Variants in PCM1 observed in about 807,000 individuals in gnomAD.
PCM1 encodes the protein pericentriolar material 1, also known as pericentriolar material 1 protein.
A neutral mutation model predicts 241.9 loss-of-function variants in PCM1; 157 were observed. The ratio of observed to expected loss-of-function variants is 0.65; its 90% confidence interval spans 0.57 to 0.74. The LOEUF is 0.74. Among genes scored for constraint, PCM1 ranks in the 30% least tolerant of loss-of-function variants. The pLI is 0.00. For synonymous variants in PCM1, 1,085 were observed against 784.9 expected (o/e 1.38, Z -6.39); for missense variants, 3,478 against 2,360.1 (o/e 1.47, Z -9.81).
intron 5 of PCM1, 119 bp from the exon 6 acceptor site, chr8:17,939,572 G>T: frequency 2.0e-6 from 1 of 496,526 alleles, no homozygotes; most frequent in East Asian, 3.2e-5. Flanking sequence ...AATAATCCAA[G>T]TGTCTTTGGT....
chr8:17,991,697 G>A lies in PCM1; in HGVS notation c.4687G>A (p.Glu1563Lys), dbSNP rs1475898719. The A allele has an allele frequency of 2.6e-6, 4 of 1,548,030 alleles. No homozygotes were observed. Among genetic ancestry groups the A allele is most frequent in the Non-Finnish European group, 3.5e-6 (4 of 1,145,602 alleles). The stretch of plus-strand genomic sequence containing the variant: ...TGCAGGTACTACAGTTAATAATTTA[G>A]AAGGTATATATTTTTGTTTTCGGTA... Reference protein sequence around the residue: ...AGAGTTVNNLEETPVIENRSS... With the variant: ...AGAGTTVNNLKETPVIENRSS... The change falls in exon 28 of 39, where the codon GAA (glutamate) becomes AAA (lysine). Residue 1563 changes from glutamate (E) to lysine (K), a missense_variant. Coordinates refer to ENST00000325083, the MANE Select transcript of PCM1 (RefSeq NM_006197.4).
At chr8:17,930,101 CTTT>C (rs3988353) in intron 2 of PCM1, among the ~76,000 whole-genome samples, 24 of 109,270 alleles carry the variant, frequency 2.2e-4, no homozygotes, top group Admixed American at 8.2e-4. Flanking sequence ...GGAATACTTC[CTTT>C]TTTTTTTTTT....
At chr8:18,014,376 T>C (rs2092911417) in intron 35 of PCM1, among the ~76,000 whole-genome samples, 1 of 130,516 alleles carries the variant, frequency 7.7e-6, no homozygotes, top group Admixed American at 7.4e-5. Context: ...TCAGGTGGAT[T>C]TCAGGAATCT....
chr8:17,965,752 A>G (rs1242974381), intron 18 of PCM1, among the ~76,000 whole-genome samples: 1 of 152,234 alleles, frequency 6.6e-6, no homozygotes, highest in African/African-American at 2.4e-5. Context: ...ATTTTGCAGA[A>G]TACTTAATTA....
rs767026913 is a variant in PCM1, at chr8:17,955,584, C to T, written c.1403C>T (p.Pro468Leu). The change falls in exon 10 of 39, where the codon CCT becomes CTT. Residue 468 changes from proline to leucine, a missense_variant. Transcript: ENST00000325083. ...AGCCTCACATCATCTGTTCCTTATC[C>T]TACTGCTTCTCTAGTATCTCAGAAT... is the stretch of plus-strand genomic sequence containing the variant. ...SNSLTSSVPY[P>L]TASLVSQNES... 6.2e-7 allele frequency: 1 copy of T among 1,613,658 alleles called. No individual in the cohort carries two copies. The highest frequency in any genetic ancestry group is 8.5e-7 in the Non-Finnish European group (1 of 1,179,610).
rs548485946 is a variant in PCM1, at chr8:17,957,563, G to A, written c.1828G>A (p.Glu610Lys). The change falls in exon 13 of 39, where the codon GAA (glutamate) becomes AAA (lysine). Residue 610 changes from glutamate to lysine, a missense_variant. Physicochemically the swap from Glu to Lys is moderately conservative, Grantham distance 56 (BLOSUM62 1). Transcript: ENST00000325083. ...AGATTGTCGATATAATAGAGAAGGGGAACAGGAGATTCATGTTGCACAAGG... is the reference window on the plus strand; with the variant it reads ...AGATTGTCGATATAATAGAGAAGGGAAACAGGAGATTCATGTTGCACAAGG... ...SLDCRYNREG[E>K]QEIHVAQGED... 35 of 1,575,616 alleles carry A rather than the reference G, an allele frequency of 2.2e-5. No individual in the cohort carries two copies. In the South Asian group the frequency reaches 4.0e-4, roughly 18 times the overall value.
At position 17,938,732 on chromosome 8, in the gene PCM1, A is replaced by T. The variant is rs376166392; in HGVS notation, c.343-8A>T. On this transcript the variant is annotated splice_polypyrimidine_tract_variant and splice_region_variant and intron_variant, in intron 4 of 38. Transcript: ENST00000325083. ...GTTTGTGTGATTTGATTTCTTTTTC[A>T]TATATAGAGAAGCATTGGAAGTGAT... 3 of 1,601,422 alleles carry T rather than the reference A, an allele frequency of 1.9e-6. No individual in the cohort carries two copies. The African/African-American group carries it at 4.0e-5, about 22-fold the overall frequency.
chr8:17,946,565 C>A (rs561913828), intron 6 of PCM1, among the ~76,000 whole-genome samples: 3 of 151,732 alleles, frequency 2.0e-5, no homozygotes, highest in African/African-American at 7.3e-5. Flanking sequence ...GGTGCAGTCT[C>A]AGCTCACTGC....
At chr8:18,008,982 A>G (rs1435487586) in intron 30 of PCM1, among the ~76,000 whole-genome samples, 1 of 152,210 alleles carries the variant, frequency 6.6e-6, no homozygotes, top group East Asian at 1.9e-4. Flanking sequence ...ATCAACTTGA[A>G]TAGAACTAAT....
chr8:17,999,563 G>A (rs1321071632), intron 29 of PCM1, among the ~76,000 whole-genome samples: 3 of 151,940 alleles, frequency 2.0e-5, no homozygotes, highest in Non-Finnish European at 4.4e-5. Flanking sequence ...TTTACTCCTT[G>A]CTCTCGTCTC....
At chr8:17,958,637 A>G (rs2069956351) in intron 13 of PCM1, among the ~76,000 whole-genome samples, 1 of 152,186 alleles carries the variant, frequency 6.6e-6, no homozygotes, top group Non-Finnish European at 1.5e-5. Flanking sequence ...AGTTTTATTA[A>G]CAGTTTCTTT....
chr8:18,009,551 C>T lies in PCM1; in HGVS notation c.4967C>T (p.Ser1656Leu). ...ATTTGGTTTATCTTTGAATAGGATT[C>T]ACTGGCAAAATTTGCTGGCAGAAAA... ...HKQLGSILQD[S>L]LAKFAGRKLK... is the part of the protein sequence containing the mutation. The change falls in exon 31 of 39, where the codon TCA becomes TTA. Residue 1656 changes from serine to leucine, a missense_variant. Transcript: ENST00000325083. The T allele has an allele frequency of 6.3e-7, 1 of 1,590,762 alleles. No homozygotes were observed. Among genetic ancestry groups the T allele is most frequent in the South Asian group, 1.1e-5 (1 of 87,520 alleles).
intron 16 of PCM1, 97 bp downstream of exon 16, chr8:17,962,271 C>A: frequency 9.8e-7 from 1 of 1,015,888 alleles, no homozygotes; most frequent in Non-Finnish European, 1.4e-6. Flanking sequence ...ACTGAATATC[C>A]TTGAAACATG....
At chr8:17,979,355 A>G (rs1358236025) in intron 23 of PCM1, among the ~76,000 whole-genome samples, 2 of 152,188 alleles carry the variant, frequency 1.3e-5, no homozygotes, top group East Asian at 3.8e-4. Flanking sequence ...AGCAAGTTTT[A>G]TGTGTTCTTT....
In PCM1 at chr8:17,962,072, A is replaced by C; in HGVS notation, c.2361A>C (p.Lys787Asn). The C allele has an allele frequency of 1.9e-6, 3 of 1,612,022 alleles. No individual in the cohort carries two copies. Among genetic ancestry groups the C allele is most frequent in the Non-Finnish European group, 1.7e-6 (2 of 1,178,824 alleles). Residue 787 changes from lysine to asparagine, a missense_variant, in exon 16 of 39, where the codon AAA (lysine) becomes AAC (asparagine). Lys to Asn is a moderately conservative substitution (Grantham distance 94, BLOSUM62 0). Transcript: ENST00000325083. The stretch of plus-strand genomic sequence containing the variant: ...GTGTGGGTAACTGTCCCACCAAAAA[A>C]TATATGCCAGCTGTTACTTCAACCC... ...AASVGNCPTK[K>N]YMPAVTSTPT...
intron 6 of PCM1, among the ~76,000 whole-genome samples, chr8:17,940,959 C>G (rs547867246): frequency 6.6e-6 from 1 of 152,048 alleles, no homozygotes; most frequent in African/African-American, 2.4e-5. Context: ...GTTCAAAATG[C>G]CATTCAGCAT....
rs1408753890 is a variant in PCM1 at position 18,027,709 on chromosome 8, A to G, written c.*47A>G. ...AACTCTGTCCTTACATACTCAATGC[A>G]TATATGAAAACAATACTAAATAAAC... is the stretch of plus-strand genomic sequence containing the variant. On this transcript the variant is annotated 3_prime_UTR_variant, in exon 39 of 39. Coordinates refer to ENST00000325083, the MANE Select transcript of PCM1 (RefSeq NM_006197.4). 5 of 1,374,118 alleles carry G rather than the reference A, an allele frequency of 3.6e-6. No individual in the cohort carries two copies. The highest frequency in any genetic ancestry group is 4.6e-5 in the East Asian group (2 of 43,322). The allele number at this position is 1,374,118 out of a possible 1,614,324, so 85.1% of individuals were successfully genotyped here. A position where few individuals can be genotyped will look rare whatever the true frequency, so the allele number is the denominator to read the frequency against.
chr8:17,953,440 A>T (rs374892441), intron 9 of PCM1, among the ~76,000 whole-genome samples: 25 of 152,322 alleles, frequency 1.6e-4, no homozygotes, highest in African/African-American at 5.8e-4. Flanking sequence ...GATTTTAATA[A>T]GGGAAAGGTA....
chr8:17,997,186 C>A (rs2087167743), intron 29 of PCM1, among the ~76,000 whole-genome samples: 1 of 152,138 alleles, frequency 6.6e-6, no homozygotes, highest in African/African-American at 2.4e-5. Context: ...AAGTTTTCTT[C>A]CTTCAGCACT....
Sources: gnomAD v4.1 joint callset for allele counts (sites outside exome capture counted in the v4.1 genomes callset) on GRCh38, gnomAD v4.1.1 for gene constraint, MANE v1.5 for transcripts, NCBI Gene and HGNC (gene_info 2026-07-23, HGNC 2026-07-21) for gene names.